Variants in HIVEP3 observed in about 807,000 individuals in gnomAD.
HIVEP3 encodes transcription factor HIVEP3.
HIVEP3 carries 49 observed loss-of-function variants against 152.8 expected under a neutral mutation model. The ratio of observed to expected loss-of-function variants is 0.32; its 90% CI spans 0.26 to 0.41. HIVEP3 has a LOEUF of 0.41. Ranked by LOEUF, HIVEP3 falls within the 10% of genes least tolerant of loss-of-function variation. HIVEP3 has a pLI of 1.00. For missense variants in HIVEP3, 2,790 were observed against 3,103.3 expected, an observed-to-expected ratio of 0.90 and a Z score of 2.40; for synonymous variants, 1,269 against 1,289.0, an observed-to-expected ratio of 0.98 and a Z score of 0.33.
chr1:41,670,895 C>A (rs1171069631), intron 2 of HIVEP3, among the ~76,000 whole-genome samples: 8 of 152,194 alleles, frequency 5.3e-5, no homozygotes, highest in Admixed American at 5.2e-4. Flanking sequence ...TAAAAGAAGG[C>A]CCACACAGAG....
chr1:41,579,794 C>T lies in HIVEP3; in HGVS notation c.5004G>A (p.Pro1668=), dbSNP rs765704017. 50 of 1,607,272 alleles carry T rather than the reference C, an allele frequency of 3.1e-5. No homozygotes were observed. The highest frequency in any genetic ancestry group is 1.0e-4 in the Admixed American group (6 of 59,816). The part of the protein sequence containing the change: ...SKETYTMATA[P]HPEAGRLVPS... ...GCACAAGCCTTCCTGCCTCAGGATGCGGAGCTGTGGCCATGGTGTATGTCT... is the reference window on the plus strand; with the variant it reads ...GCACAAGCCTTCCTGCCTCAGGATGTGGAGCTGTGGCCATGGTGTATGTCT... The change falls in exon 4 of 9, where the codon CCG becomes CCA. Residue 1668 remains proline (P), a synonymous_variant. Coordinates refer to ENST00000372583, the MANE Select transcript of HIVEP3 (RefSeq NM_024503.5).
At chr1:41,575,451 C>T (rs1348648226) in intron 5 of HIVEP3, 93 bp downstream of exon 5, 1 of 1,401,912 alleles carries the variant, frequency 7.1e-7, no homozygotes, top group Admixed American at 1.8e-5. Flanking sequence ...GGGCAGAGCC[C>T]TTGCCAACTG....
intron 2 of HIVEP3, among the ~76,000 whole-genome samples, chr1:41,674,066 G>A (rs1394953060): frequency 6.6e-6 from 1 of 152,224 alleles, no homozygotes; most frequent in East Asian, 1.9e-4. Flanking sequence ...GCTGGCTGGG[G>A]CCGACCTCCC....
intron 2 of HIVEP3, among the ~76,000 whole-genome samples, chr1:41,640,731 G>C (rs866052674): frequency 3.9e-5 from 6 of 152,364 alleles, no homozygotes; most frequent in Middle Eastern, 3.4e-3. Flanking sequence ...CATTTGTTGA[G>C]TGTCTTCCAC....
At chr1:41,928,756 G>A (rs546576416) in intron 1 of HIVEP3, among the ~76,000 whole-genome samples, 8 of 152,178 alleles carry the variant, frequency 5.3e-5, no homozygotes, top group South Asian at 4.1e-4. Flanking sequence ...ATGTTTTTTC[G>A]TGATTAAACT....
intron 5 of HIVEP3, 68 bp from the exon 6 acceptor site, chr1:41,524,978 C>A: frequency 3.6e-6 from 5 of 1,400,478 alleles, no homozygotes; most frequent in Non-Finnish European, 4.0e-6. Flanking sequence ...CCTCAGAAGA[C>A]GCACGCGCTT....
At chr1:41,658,549 G>T (rs1189399848) in intron 2 of HIVEP3, among the ~76,000 whole-genome samples, 1 of 152,114 alleles carries the variant, frequency 6.6e-6, no homozygotes, top group African/African-American at 2.4e-5. Flanking sequence ...ACACCCCCGG[G>T]CCTTGAAAGT....
At chr1:41,924,546 G>T (rs764478921) in intron 1 of HIVEP3, among the ~76,000 whole-genome samples, 1 of 151,960 alleles carries the variant, frequency 6.6e-6, no homozygotes, top group Non-Finnish European at 1.5e-5. Flanking sequence ...GAGTTGTTAC[G>T]GCCCTACCAC....
At chr1:41,532,378 A>G (rs915272313) in intron 5 of HIVEP3, among the ~76,000 whole-genome samples, 2 of 152,050 alleles carry the variant, frequency 1.3e-5, no homozygotes, top group African/African-American at 4.8e-5. Flanking sequence ...GCAACGGCAG[A>G]GTGTTGAGAG....
chr1:41,963,363 T>G (rs945422951), intron 1 of HIVEP3, among the ~76,000 whole-genome samples: 4 of 151,722 alleles, frequency 2.6e-5, no homozygotes, highest in African/African-American at 9.7e-5. Context: ...TCACTCCGAG[T>G]TTTTTATCCT....
In HIVEP3 at chr1:41,582,172, T is replaced by G. The variant is rs374562810; in HGVS notation, c.2626A>C (p.Lys876Gln). Residue 876 changes from lysine to glutamine, a missense_variant, in exon 4 of 9, where the codon AAG becomes CAG. Around this residue, in one of 9 missense-constraint regions of HIVEP3, gnomAD observed 1,078 missense variants for 1,165.3 expected, o/e 0.93. Transcript: ENST00000372583. The surrounding 1 kb of genome is among the most constrained non-coding windows in gnomAD (Gnocchi z 4.7). ...AACTCCTCAGTCTTCTCAGGTTCCT[T>G]AGGGGGCGGCTCTGGCTCTGTGTCC... ...RPDTEPEPPP[K>Q]EPEKTEEFQW... 6.2e-7 allele frequency: 1 copy of G among 1,613,968 alleles called. No homozygotes were observed. Among genetic ancestry groups the G allele is most frequent in the Non-Finnish European group, 8.5e-7 (1 of 1,179,960 alleles).
In HIVEP3 at chr1:41,510,459, T is replaced by C. The variant is rs1184449223; in HGVS notation, c.7213A>G (p.Asn2405Asp). 1 of 1,496,732 alleles carries C rather than the reference T, an allele frequency of 6.7e-7. No homozygotes were observed. The highest frequency in any genetic ancestry group is 2.4e-5 in the East Asian group (1 of 41,176). The allele number at this position is 1,496,732 out of a possible 1,614,324, so 92.7% of individuals were successfully genotyped here. A position where few individuals can be genotyped will look rare whatever the true frequency, so the allele number is the denominator to read the frequency against. The change falls in exon 9 of 9, where the codon AAC becomes GAC. Residue 2405 changes from asparagine to aspartate, a missense_variant. Coordinates refer to ENST00000372583, the MANE Select transcript of HIVEP3 (RefSeq NM_024503.5). ...PHQPEDRVPP[N>D]A Reference sequence around the variant, plus strand: ...AAGCAGTTGGAGAGAGGCTAAGCGTTGGGGGGAACCCTGTCCTCAGGCTGA... The same window carrying C: ...AAGCAGTTGGAGAGAGGCTAAGCGTCGGGGGGAACCCTGTCCTCAGGCTGA...
chr1:41,615,902 T>A (rs1644962142), intron 3 of HIVEP3, among the ~76,000 whole-genome samples: 1 of 147,358 alleles, frequency 6.8e-6, no homozygotes, highest in African/African-American at 2.5e-5. Context: ...GCTGCTTGGA[T>A]GAAATATTTT....
At chr1:41,544,831 T>TCAC (rs1483052808) in intron 5 of HIVEP3, among the ~76,000 whole-genome samples, 30 of 10,160 alleles carry the variant, frequency 3.0e-3, no homozygotes, top group East Asian at 3.7e-3. Context: ...ACCACCACCA[T>TCAC]CACCACCACC....
At chr1:41,759,357 T>C (rs1406775811) in intron 1 of HIVEP3, among the ~76,000 whole-genome samples, 1 of 152,120 alleles carries the variant, frequency 6.6e-6, no homozygotes, top group Non-Finnish European at 1.5e-5. Flanking sequence ...CAGAATTTCA[T>C]CCATTTTTAT....
intron 3 of HIVEP3, among the ~76,000 whole-genome samples, chr1:41,622,968 C>T (rs1645067073): frequency 6.6e-6 from 1 of 152,218 alleles, no homozygotes; most frequent in Non-Finnish European, 1.5e-5. Flanking sequence ...GTTGTTATCT[C>T]CATCCTACTG....
chr1:41,952,787 TATTC>T (rs1557536973), intron 1 of HIVEP3, among the ~76,000 whole-genome samples: 1 of 152,182 alleles, frequency 6.6e-6, no homozygotes, highest in African/African-American at 2.4e-5. Flanking sequence ...AAAATCCTAT[TATTC>T]ATATTACTGA....
rs913178225 is a variant in HIVEP3, at chr1:41,991,376, G to A, written n.119+44431C>T. Among the ~76,000 whole-genome samples the A allele has an allele frequency of 5.4e-3, 810 of 151,176 alleles. 4 individuals are homozygous for A. Among genetic ancestry groups the A allele is most frequent in the African/African-American group, 0.016 (658 of 41,112 alleles). The stretch of plus-strand genomic sequence containing the variant: ...CAGAGAATACTACAAACACCTCTAC[G>A]CAAATAAACTAGAAAATCTAGAAGA... On this transcript the variant is annotated intron_variant and non_coding_transcript_variant, in intron 1 of 3. Transcript: ENST00000489103.
chr1:41,762,104 T>C (rs538723503), intron 1 of HIVEP3, among the ~76,000 whole-genome samples: 2 of 152,264 alleles, frequency 1.3e-5, no homozygotes, highest in Admixed American at 1.3e-4. Context: ...TTAGCCTTTT[T>C]TGCATACCCA....
Sources: allele counts gnomAD v4.1 joint callset (sites outside exome capture counted in the v4.1 genomes callset), GRCh38; gene constraint gnomAD v4.1.1; regional missense constraint gnomAD v4.1.1; non-coding constraint Gnocchi (gnomAD v3.1); transcripts MANE v1.5; gene names NCBI Gene and HGNC (gene_info 2026-07-23, HGNC 2026-07-21).